BCAS3: variants seen among roughly 807,000 people sequenced by gnomAD.
The protein encoded by BCAS3 is BCAS4/BCAS3 fusion.
A neutral mutation model predicts 116.1 loss-of-function variants in BCAS3; 53 were observed. The observed-to-expected ratio is 0.46, with a 90% CI of 0.37 to 0.57. BCAS3 has a LOEUF of 0.57. Ranked by LOEUF, BCAS3 falls within the 20% of genes least tolerant of loss-of-function variation. The pLI, the probability that BCAS3 is intolerant of heterozygous loss-of-function variation, is 0.00. For missense variants in BCAS3, 917 were observed against 1,165.4 expected (o/e 0.79, Z 3.10); for synonymous variants, 391 against 408.2 (o/e 0.96, Z 0.51).
chr17:60,998,319 T>C (rs923238564), intron 15 of BCAS3, among the ~76,000 whole-genome samples: 1 of 152,266 alleles, frequency 6.6e-6, no homozygotes, highest in Non-Finnish European at 1.5e-5. Flanking sequence ...TAAGTGCATG[T>C]GTTTTTTTTG....
At chr17:60,948,032 G>T (rs879355088) in intron 14 of BCAS3, among the ~76,000 whole-genome samples, 2 of 152,046 alleles carry the variant, frequency 1.3e-5, no homozygotes, top group Non-Finnish European at 1.5e-5. Flanking sequence ...GATTTACTGA[G>T]CGCTTGTATC....
intron 4 of BCAS3, among the ~76,000 whole-genome samples, chr17:60,695,332 A>AT (rs1399412902): frequency 3.3e-5 from 5 of 151,772 alleles, no homozygotes; most frequent in Non-Finnish European, 7.4e-5. Context: ...GTTGGCCAGG[A>AT]TGGTCTCTTG....
rs2082281022 is a variant in BCAS3 at position 61,224,617 on chromosome 17, T to A, written c.2425+140053T>A. On this transcript the variant is annotated intron_variant, in intron 22 of 23. Transcript: ENST00000407086. This position sits in a 1 kb window ranked among gnomAD's most constrained non-coding sequence, Gnocchi z 5.7. ...ATACATCTGGAGTCAACTGGTTTGT[T>A]GGGATTTGCATCTTGCATCCACCAC... Among the ~76,000 whole-genome samples the A allele has an allele frequency of 6.6e-6, 1 of 152,234 alleles. No individual in the cohort carries two copies. Among genetic ancestry groups the A allele is most frequent in the Non-Finnish European group, 1.5e-5 (1 of 68,038 alleles).
chr17:60,743,658 A>G (rs1033687484), intron 5 of BCAS3, among the ~76,000 whole-genome samples: 4 of 152,150 alleles, frequency 2.6e-5, no homozygotes, highest in South Asian at 2.1e-4. Flanking sequence ...TGAATTTTCT[A>G]TATTATAATT....
rs2080687378 is a variant in BCAS3 at position 61,199,381 on chromosome 17, T to A, written c.2425+114817T>A. Among the ~76,000 whole-genome samples the A allele has an allele frequency of 6.6e-6, 1 of 152,190 alleles. No individual in the cohort carries two copies. The highest frequency in any genetic ancestry group is 2.4e-5 in the African/African-American group (1 of 41,454). On this transcript the variant is annotated intron_variant, in intron 22 of 23. Coordinates refer to ENST00000407086, the MANE Select transcript of BCAS3 (RefSeq NM_017679.5). The surrounding 1 kb of genome is among the most constrained non-coding windows in gnomAD (Gnocchi z 4.6). Reference sequence around the variant, plus strand: ...ACACAGGTGGGCACCTAGTGCATGGTGTTACAGTAAAGACAACTCGACATC... The same window carrying A: ...ACACAGGTGGGCACCTAGTGCATGGAGTTACAGTAAAGACAACTCGACATC...
intron 12 of BCAS3, among the ~76,000 whole-genome samples, chr17:60,917,574 GCTTA>G (rs1355184150): frequency 6.6e-6 from 1 of 151,618 alleles, no homozygotes; most frequent in African/African-American, 2.4e-5. Context: ...TGGACATTTG[GCTTA>G]CTTCTACCTT....
intron 9 of BCAS3, among the ~76,000 whole-genome samples, chr17:60,879,492 G>A (rs2055917716): frequency 6.6e-6 from 1 of 152,192 alleles, no homozygotes; most frequent in Admixed American, 6.5e-5. Flanking sequence ...AGACACCTTT[G>A]TATTTGGATA....
At chr17:61,223,151 C>CT (rs34499099) in intron 22 of BCAS3, among the ~76,000 whole-genome samples, 56,667 of 79,618 alleles carry the variant, frequency 0.71, 20,776 homozygotes, top group South Asian at 0.78. Flanking sequence ...GATGCAGCGC[C>CT]TTTTTTTTTT....
Position 61,276,374 on chromosome 17 carries a change from C to CA in BCAS3, c.2426-91948dup, listed in dbSNP as rs967928556. 1.3e-5 allele frequency among the ~76,000 whole-genome samples: 2 copies of CA among 151,748 alleles called. No individual in the cohort carries two copies. The highest frequency in any genetic ancestry group is 6.6e-5 in the Admixed American group (1 of 15,244). On this transcript the variant is annotated intron_variant, in intron 22 of 23. Transcript: ENST00000407086. This position sits in a 1 kb window ranked among gnomAD's most constrained non-coding sequence, Gnocchi z 4.2. Reference sequence around the variant, plus strand: ...TCTCAAAAACAAACAAACAAACAAACAAAAATCACTTGTGTTTCTATACAG... The same window carrying CA: ...TCTCAAAAACAAACAAACAAACAAACAAAAAATCACTTGTGTTTCTATACAG...
rs1000664530 is a variant in BCAS3 at position 61,339,685 on chromosome 17, G to A, written c.2426-28642G>A. Among the ~76,000 whole-genome samples the A allele has an allele frequency of 2.6e-5, 4 of 151,710 alleles. No homozygotes were observed. The highest frequency in any genetic ancestry group is 7.3e-5 in the African/African-American group (3 of 41,264). On this transcript the variant is annotated intron_variant, in intron 22 of 23. Coordinates refer to ENST00000407086, the MANE Select transcript of BCAS3 (RefSeq NM_017679.5). The surrounding 1 kb of genome is among the most constrained non-coding windows in gnomAD (Gnocchi z 4.4). ...GGAGGCTGAGGCAGGAGAATCGCTCGAACCTAGGAGGTGGCGGTTACAGTG... is the reference window on the plus strand; with the variant it reads ...GGAGGCTGAGGCAGGAGAATCGCTCAAACCTAGGAGGTGGCGGTTACAGTG...
At chr17:60,800,558 T>C (rs1027785891) in intron 6 of BCAS3, among the ~76,000 whole-genome samples, 2 of 152,210 alleles carry the variant, frequency 1.3e-5, no homozygotes, top group African/African-American at 4.8e-5. Flanking sequence ...CATTCTTCTA[T>C]CATGGTCTTT....
intron 14 of BCAS3, among the ~76,000 whole-genome samples, chr17:60,955,447 C>T (rs548285895): frequency 6.2e-5 from 9 of 144,178 alleles, no homozygotes; most frequent in South Asian, 2.2e-4. Flanking sequence ...AGTGCAGTGG[C>T]GCTATCTCAG....
At chr17:61,322,856 CAGAGAGAGAGAG>C (rs149772722) in intron 22 of BCAS3, among the ~76,000 whole-genome samples, 2 of 60,502 alleles carry the variant, frequency 3.3e-5, no homozygotes, top group African/African-American at 1.4e-4. Context: ...GAGAGAGAGA[CAGAGAGAGAGAG>C]AGAGAGAGAG....
intron 6 of BCAS3, among the ~76,000 whole-genome samples, chr17:60,788,099 C>A (rs2046439377): frequency 6.6e-6 from 1 of 152,112 alleles, no homozygotes; most frequent in Non-Finnish European, 1.5e-5. Context: ...TACTTATCCC[C>A]ATTTTACAGA....
rs753626907 is a variant in BCAS3 at position 61,130,362 on chromosome 17, G to A, written c.2425+45798G>A. Reference sequence around the variant, plus strand: ...CTGTACAATTTTCTTATTAATTCTCGTATCCAAAAGAACCACAATACAACC... The same window carrying A: ...CTGTACAATTTTCTTATTAATTCTCATATCCAAAAGAACCACAATACAACC... On this transcript the variant is annotated intron_variant, in intron 22 of 23. Transcript: ENST00000407086. The surrounding 1 kb of genome is among the most constrained non-coding windows in gnomAD (Gnocchi z 5.0). Among the ~76,000 whole-genome samples, 10 of 151,794 alleles carry A rather than the reference G, an allele frequency of 6.6e-5. No homozygotes were observed. The highest frequency in any genetic ancestry group is 1.9e-4 in the African/African-American group (8 of 41,286).
intron 14 of BCAS3, among the ~76,000 whole-genome samples, chr17:60,988,045 A>G (rs1015200117): frequency 3.9e-5 from 6 of 152,120 alleles, no homozygotes; most frequent in African/African-American, 1.4e-4. Context: ...GTAATGTTGA[A>G]TTTTTATCAT....
chr17:61,080,185 G>T (rs1197855487), intron 21 of BCAS3, among the ~76,000 whole-genome samples: 2 of 152,030 alleles, frequency 1.3e-5, no homozygotes, highest in South Asian at 2.1e-4. Flanking sequence ...GACTACAGGC[G>T]TGAGCCACTG....
chr17:61,319,901 T>TA (rs924561253), intron 22 of BCAS3, among the ~76,000 whole-genome samples: 19 of 150,536 alleles, frequency 1.3e-4, no homozygotes, highest in African/African-American at 3.2e-4. Context: ...TTTTTATTTT[T>TA]TTTTTTTGAG....
intron 9 of BCAS3, among the ~76,000 whole-genome samples, chr17:60,881,967 G>T (rs1393408736): frequency 6.7e-6 from 1 of 149,512 alleles, no homozygotes; most frequent in African/African-American, 2.6e-5. Flanking sequence ...GTAATGGGAT[G>T]GCTGGGTAAA....
Sources: allele counts gnomAD v4.1 joint callset (sites outside exome capture counted in the v4.1 genomes callset), GRCh38; gene constraint gnomAD v4.1.1; non-coding constraint Gnocchi (gnomAD v3.1); transcripts MANE v1.5; gene names NCBI Gene and HGNC (gene_info 2026-07-23, HGNC 2026-07-21).